MEX3C: variants seen among roughly 807,000 people sequenced by gnomAD.
MEX3C encodes the protein RNA-binding E3 ubiquitin-protein ligase MEX3C.
In MEX3C, 15 loss-of-function variants were observed where a neutral mutation model predicts 35.5. That is an observed-to-expected ratio of 0.42 (90% CI 0.28 to 0.65). The LOEUF (loss-of-function observed/expected upper bound fraction) is 0.65, where lower values mean the gene tolerates loss of function less well. Ranked by LOEUF, MEX3C falls within the 30% of genes least tolerant of loss-of-function variation. MEX3C has a pLI of 0.20. For missense variants in MEX3C, 711 were observed against 842.8 expected (o/e 0.84, Z 1.94); for synonymous variants, 390 against 352.8 (o/e 1.11, Z -1.18).
At chr18:51,179,252 C>T (rs931211239) in intron 1 of MEX3C, among the ~76,000 whole-genome samples, 1 of 152,130 alleles carries the variant, frequency 6.6e-6, no homozygotes, top group Non-Finnish European at 1.5e-5. Flanking sequence ...ATCTGCCTGC[C>T]TCGGCCTCCC....
intron 1 of MEX3C, among the ~76,000 whole-genome samples, chr18:51,182,242 C>T (rs1175056960): frequency 6.6e-6 from 1 of 152,128 alleles, no homozygotes; most frequent in Non-Finnish European, 1.5e-5. Flanking sequence ...GTTTGGTACT[C>T]TGCGGTTTCA....
intron 1 of MEX3C, among the ~76,000 whole-genome samples, chr18:51,185,450 G>A (rs896715619): frequency 1.3e-5 from 2 of 152,154 alleles, no homozygotes; most frequent in East Asian, 3.9e-4. Flanking sequence ...ATGATCTCAA[G>A]CTCCCCAAAG....
In MEX3C at chr18:51,196,985, C is replaced by T. The variant is rs1289979805; in HGVS notation, c.336G>A (p.Glu112=). ...EAAELELEED[E]EEGEEAELDG... Reference sequence around the variant, plus strand: ...CCAGCTCCGCTTCCTCCCCCTCCTCCTCGTCCTCTTCCAGCTCCAGCTCGG... The same window carrying T: ...CCAGCTCCGCTTCCTCCCCCTCCTCTTCGTCCTCTTCCAGCTCCAGCTCGG... The change falls in exon 1 of 2, where the codon GAG becomes GAA. Residue 112 remains glutamate, a synonymous_variant. Transcript: ENST00000406189. 1 of 1,537,296 alleles carries T rather than the reference C, an allele frequency of 6.5e-7. No individual in the cohort carries two copies. The highest frequency in any genetic ancestry group is 8.7e-7 in the Non-Finnish European group (1 of 1,143,968).
chr18:51,176,548 T>A lies in MEX3C; in HGVS notation c.1783A>T (p.Thr595Ser). Residue 595 changes from threonine (T) to serine (S), a missense_variant, in exon 2 of 2, where the codon ACC becomes TCC. Thr to Ser is a moderately conservative substitution (Grantham distance 58, BLOSUM62 1). Coordinates refer to ENST00000406189, the MANE Select transcript of MEX3C (RefSeq NM_016626.5). ...CTTGATTCTGGAGGTGAGCTAGAGG[T>A]GGAACCACCATTGGAAGAGGAGTAA... ...NSYSSSNGGS[T>S]SSSPPESRRK... is the part of the protein sequence containing the mutation. 2 of 1,613,866 alleles carry A rather than the reference T, an allele frequency of 1.2e-6. No homozygotes were observed. Among genetic ancestry groups the A allele is most frequent in the Non-Finnish European group, 1.7e-6 (2 of 1,179,878 alleles).
intron 1 of MEX3C, among the ~76,000 whole-genome samples, chr18:51,180,125 AG>A (rs1400540003): frequency 1.3e-5 from 2 of 152,318 alleles, no homozygotes; most frequent in East Asian, 3.9e-4. Context: ...GAAATAAAAG[AG>A]AAAAAAGAAA....
chr18:51,185,891 C>A (rs998739047), intron 1 of MEX3C, among the ~76,000 whole-genome samples: 1 of 151,714 alleles, frequency 6.6e-6, no homozygotes, highest in African/African-American at 2.4e-5. Flanking sequence ...GAGACCCCCC[C>A]CTCTCTATAA....
At chr18:51,180,867 A>C (rs901906905) in intron 1 of MEX3C, among the ~76,000 whole-genome samples, 4 of 152,200 alleles carry the variant, frequency 2.6e-5, no homozygotes, top group Non-Finnish European at 5.9e-5. Flanking sequence ...AGTATCCTAA[A>C]CTCAGATTAG....
At chr18:51,184,668 G>A (rs1005086516) in intron 1 of MEX3C, among the ~76,000 whole-genome samples, 3 of 151,940 alleles carry the variant, frequency 2.0e-5, no homozygotes, top group Non-Finnish European at 4.4e-5. Flanking sequence ...ACCAGCCTAG[G>A]CAACATGGCA....
chr18:51,180,290 T>C (rs77240939), intron 1 of MEX3C, among the ~76,000 whole-genome samples: 18 of 152,084 alleles, frequency 1.2e-4, no homozygotes, highest in Non-Finnish European at 2.2e-4. Flanking sequence ...TAGCCTATGG[T>C]TGGTATTAAT....
intron 1 of MEX3C, among the ~76,000 whole-genome samples, chr18:51,180,084 G>A (rs543997268): frequency 6.6e-6 from 1 of 150,690 alleles, no homozygotes; most frequent in South Asian, 2.1e-4. Context: ...TTAGAAAACT[G>A]AAAATAAATA....
intron 1 of MEX3C, among the ~76,000 whole-genome samples, chr18:51,184,406 A>C (rs1206225322): frequency 1.3e-5 from 2 of 152,212 alleles, no homozygotes; most frequent in African/African-American, 2.4e-5. Context: ...ATTAGCAGTA[A>C]CTGTTACAAA....
In MEX3C at chr18:51,175,079, G is replaced by T. The variant is rs981026928; in HGVS notation, c.*1272C>A. The T allele has an allele frequency of 1.3e-5, 2 of 152,630 alleles. No individual in the cohort carries two copies. The highest frequency in any genetic ancestry group is 4.8e-5 in the African/African-American group (2 of 41,536). The allele number at this position is 152,630 out of a possible 1,614,324, so 9.5% of individuals were successfully genotyped here. ...TTATTTGTAAACTTTTATACGAAATGTAACTCTTCAAGTGGAAATAAAAAA... is the reference window on the plus strand; with the variant it reads ...TTATTTGTAAACTTTTATACGAAATTTAACTCTTCAAGTGGAAATAAAAAA... On this transcript the variant is annotated 3_prime_UTR_variant, in exon 2 of 2. Coordinates refer to ENST00000406189, the MANE Select transcript of MEX3C (RefSeq NM_016626.5).
Position 51,177,338 on chromosome 18 carries a change from G to A in MEX3C, c.993C>T (p.Val331=). 1.9e-6 allele frequency: 3 copies of A among 1,613,998 alleles called. No homozygotes were observed. The highest frequency in any genetic ancestry group is 2.2e-5 in the East Asian group (1 of 44,874). ...ATCCTACCACACGATAAGGGACCCT[G>A]ACTTGGACGGTGGTTTGACCGGGCA... The part of the protein sequence containing the change: ...PNLPGQTTVQ[V]RVPYRVVGLV... Residue 331 remains valine, a synonymous_variant, in exon 2 of 2, where the codon GTC becomes GTT. Coordinates refer to ENST00000406189, the MANE Select transcript of MEX3C (RefSeq NM_016626.5). This position sits in a 1 kb window ranked among gnomAD's most constrained non-coding sequence, Gnocchi z 4.2.
Position 51,176,178 on chromosome 18 carries a change from G to T in MEX3C, c.*173C>A. The T allele has an allele frequency of 1.6e-6, 1 of 610,564 alleles. No individual in the cohort carries two copies. The highest frequency in any genetic ancestry group is 2.7e-6 in the Non-Finnish European group (1 of 367,242). 37.8% of individuals were successfully genotyped at this position (610,564 alleles called of 1,614,324 possible). On this transcript the variant is annotated 3_prime_UTR_variant, in exon 2 of 2. Coordinates refer to ENST00000406189, the MANE Select transcript of MEX3C (RefSeq NM_016626.5). ...AAACTAATAGACAAGAGACCACTTA[G>T]GTTTAGTGTTACCATAGCAGCCTTT...
chr18:51,184,867 G>GAA (rs58366081), intron 1 of MEX3C, among the ~76,000 whole-genome samples: 21 of 146,472 alleles, frequency 1.4e-4, no homozygotes, highest in Non-Finnish European at 2.5e-4. Context: ...CCAAAGAAAA[G>GAA]AAAAAAAAAA....
At chr18:51,179,405 A>C (rs1208003570) in intron 1 of MEX3C, among the ~76,000 whole-genome samples, 2 of 152,128 alleles carry the variant, frequency 1.3e-5, no homozygotes, top group Admixed American at 1.3e-4. Flanking sequence ...TGTTGACTAC[A>C]CAGGTTGAGT....
intron 1 of MEX3C, among the ~76,000 whole-genome samples, chr18:51,185,634 C>T (rs1912520450): frequency 6.6e-6 from 1 of 152,106 alleles, no homozygotes; most frequent in African/African-American, 2.4e-5. Context: ...TCCTTTTCTT[C>T]CAAGTACCTA....
At position 51,176,916 on chromosome 18, in the gene MEX3C, G is replaced by A. The variant is rs1264893334; in HGVS notation, c.1415C>T (p.Pro472Leu). Residue 472 changes from proline (P) to leucine (L), a missense_variant, in exon 2 of 2, where the codon CCA (proline) becomes CTA (leucine). Transcript: ENST00000406189. ...AAACCAGAAGTTTCCTGTGCTAAAT[G>A]GGCTTGTTGGACTAAAGTCAGCCAG... ...NRLADFSPTS[P>L]FSTGNFWFGD... The A allele has an allele frequency of 6.2e-7, 1 of 1,613,966 alleles. No homozygotes were observed. The highest frequency in any genetic ancestry group is 8.5e-7 in the Non-Finnish European group (1 of 1,179,878).
In MEX3C at chr18:51,196,800, G is replaced by T; in HGVS notation, c.521C>A (p.Ala174Asp). The T allele has an allele frequency of 4.6e-6, 7 of 1,530,940 alleles. No homozygotes were observed. The highest frequency in any genetic ancestry group is 6.1e-6 in the Non-Finnish European group (7 of 1,144,264). The allele number at this position is 1,530,940 out of a possible 1,614,324, so 94.8% of individuals were successfully genotyped here. Residue 174 changes from alanine (A) to aspartate (D), a missense_variant, in exon 1 of 2, where the codon GCC (alanine) becomes GAC (aspartate). By Grantham distance (126) the Ala-to-Asp change is moderately radical. This residue lies in a region of MEX3C where 354 missense variants were observed against 311.6 expected (regional missense o/e 1.14). Transcript: ENST00000406189. ...SVLLPAARFD[A>D]REAAAAAAAA... ...CGCCGCCGCGGCCGCCGCCTCCCGGGCATCGAACCTGGCGGCTGGCAGCAG... is the reference window on the plus strand; with the variant it reads ...CGCCGCCGCGGCCGCCGCCTCCCGGTCATCGAACCTGGCGGCTGGCAGCAG...
Sources: allele counts gnomAD v4.1 joint callset (sites outside exome capture counted in the v4.1 genomes callset), GRCh38; gene constraint gnomAD v4.1.1; regional missense constraint gnomAD v4.1.1; non-coding constraint Gnocchi (gnomAD v3.1); transcripts MANE v1.5; gene names NCBI Gene and HGNC (gene_info 2026-07-23, HGNC 2026-07-21).